DCTN2: variants seen among roughly 807,000 people sequenced by gnomAD.
DCTN2 encodes dynactin subunit 2.
A neutral mutation model predicts 55.4 loss-of-function variants in DCTN2; 18 were observed. That is an observed-to-expected ratio of 0.32 (90% confidence interval 0.22 to 0.48). DCTN2 has a LOEUF of 0.48. DCTN2 is among the 20% of genes least tolerant of loss of function. The probability of loss-of-function intolerance (pLI) is 0.99; values close to 1 mark genes in which losing one functional copy is unlikely to be tolerated. For missense variants in DCTN2, 390 were observed against 491.0 expected, an observed-to-expected ratio of 0.79 and a Z score of 1.94; for synonymous variants, 168 against 185.2, an observed-to-expected ratio of 0.91 and a Z score of 0.76.
At chr12:57,543,953 C>A in intron 2 of DCTN2, 1 of 526,234 alleles carries the variant, frequency 1.9e-6, no homozygotes, top group South Asian at 1.5e-5. Context: ...TTCTTCCACA[C>A]CTGGAATGGG....
chr12:57,532,653 C>T lies in DCTN2; in HGVS notation c.853-10G>A, dbSNP rs375551214. 2.3e-5 allele frequency: 37 copies of T among 1,613,834 alleles called. No individual in the cohort carries two copies. The highest frequency in any genetic ancestry group is 5.0e-5 in the Admixed American group (3 of 59,996). On this transcript the variant is annotated splice_polypyrimidine_tract_variant and intron_variant, in intron 10 of 13. Coordinates refer to ENST00000548249, the MANE Select transcript of DCTN2 (RefSeq NM_001261413.2). ...CCTTTCCCAGGACACTCTGAAAACA[C>T]AGATTTTAAGGTTGATAGGGCATCC...
rs79376910 is a variant in DCTN2, at chr12:57,539,380, C to A, written c.106-3535G>T. Among the ~76,000 whole-genome samples, 294 of 152,350 alleles carry A rather than the reference C, an allele frequency of 1.9e-3. 1 individual carries two copies. The highest frequency in any genetic ancestry group is 3.7e-3 in the Admixed American group (56 of 15,306). On this transcript the variant is annotated intron_variant, in intron 2 of 13. Coordinates refer to ENST00000548249, the MANE Select transcript of DCTN2 (RefSeq NM_001261413.2). ...ACATCAAGATTCACAGGTACTAGCA[C>A]ATGTGCAGAACATGTTTCTTCAACC... is the stretch of plus-strand genomic sequence containing the variant.
At chr12:57,545,327 T>C (rs1881058072) in intron 2 of DCTN2, among the ~76,000 whole-genome samples, 1 of 152,212 alleles carries the variant, frequency 6.6e-6, no homozygotes, top group Non-Finnish European at 1.5e-5. Context: ...TTCCTATATG[T>C]ATCCTAATTC....
chr12:57,535,278 T>G, intron 4 of DCTN2, 124 bp from the exon 5 acceptor site: 1 of 983,152 alleles, frequency 1.0e-6, no homozygotes, highest in East Asian at 2.6e-5. Context: ...AACACCCTAG[T>G]ACCAAAGAAC....
chr12:57,531,725 G>A (rs1427814713), intron 13 of DCTN2, among the ~76,000 whole-genome samples: 2 of 152,078 alleles, frequency 1.3e-5, no homozygotes, highest in African/African-American at 4.8e-5. Context: ...GGGAAAGAGT[G>A]GGGTTTTATA....
chr12:57,538,546 A>T (rs1191245817), intron 2 of DCTN2: 2 of 755,410 alleles, frequency 2.6e-6, no homozygotes, highest in African/African-American at 3.4e-5. Flanking sequence ...CCCAGAGGTG[A>T]GAAAATCAAA....
At chr12:57,543,204 C>A in intron 2 of DCTN2, 1 of 363,338 alleles carries the variant, frequency 2.8e-6, no homozygotes, top group South Asian at 2.1e-5. Context: ...AGAAAATTAG[C>A]CGGGTGTGGT....
intron 5 of DCTN2, among the ~76,000 whole-genome samples, chr12:57,534,753 C>A (rs989181569): frequency 6.6e-6 from 1 of 152,126 alleles, no homozygotes; most frequent in South Asian, 2.1e-4. Context: ...CTGCAACCTC[C>A]GCCTCCGAGT....
At position 57,535,792 on chromosome 12, in the gene DCTN2, G is replaced by A. The variant is rs1264525675; in HGVS notation, c.159C>T (p.Ala53=). The A allele has an allele frequency of 6.2e-7, 1 of 1,613,812 alleles. No homozygotes were observed. The highest frequency in any genetic ancestry group is 1.3e-5 in the African/African-American group (1 of 74,920). The part of the protein sequence containing the change: ...VEHIIVNPNA[A]YDKFKDKRVG... ...CTCTCTTGTCCTTGAACTTGTCATA[G>A]GCAGCATTAGGATTGACAATGATGT... Residue 53 remains alanine (A), a synonymous_variant, in exon 3 of 14, where the codon GCC becomes GCT. Transcript: ENST00000548249.
chr12:57,534,291 C>T lies in DCTN2; in HGVS notation c.524+1G>A. 6.3e-7 allele frequency: 1 copy of T among 1,587,642 alleles called. No homozygotes were observed. ...ATTTTTCAACAAAGTAGGGTACCCA[C>T]TTAGCCAGGGCGCCATCGGGGTCGG... On this transcript the variant is annotated splice_donor_variant, in intron 6 of 13. Coordinates refer to ENST00000548249, the MANE Select transcript of DCTN2 (RefSeq NM_001261413.2). LOFTEE classifies it high-confidence loss of function.
chr12:57,542,007 G>A (rs1285917929), intron 2 of DCTN2, among the ~76,000 whole-genome samples: 1 of 152,220 alleles, frequency 6.6e-6, no homozygotes, highest in African/African-American at 2.4e-5. Context: ...AGGCACAGTG[G>A]CTCATGCTTG....
chr12:57,533,497 C>T (rs1252880886), intron 7 of DCTN2, among the ~76,000 whole-genome samples, 194 bp from the exon 8 acceptor site: 1 of 152,184 alleles, frequency 6.6e-6, no homozygotes, highest in Non-Finnish European at 1.5e-5. Flanking sequence ...TGAGGTCGGG[C>T]GCGGTGGCTC....
chr12:57,538,436 T>G, intron 2 of DCTN2: 1 of 726,052 alleles, frequency 1.4e-6, no homozygotes. Context: ...AATGAAAGAT[T>G]TAGTAGAGTC....
chr12:57,545,471 T>G (rs1253770816), intron 2 of DCTN2, among the ~76,000 whole-genome samples: 1 of 152,164 alleles, frequency 6.6e-6, no homozygotes, highest in Non-Finnish European at 1.5e-5. Flanking sequence ...CCGTACCTAA[T>G]TACTCCATCC....
rs749576776 is a variant in DCTN2, at chr12:57,534,024, G to T, written c.598C>A (p.Pro200Thr). 1.9e-6 allele frequency: 3 copies of T among 1,613,530 alleles called. No individual in the cohort carries two copies. Among genetic ancestry groups the T allele is most frequent in the Non-Finnish European group, 2.5e-6 (3 of 1,179,710 alleles). ...GSGGKTTGTP[P>T]DSSLVTYELH... ...TCATAAGTGACAAGGCTGCTATCTG[G>T]GGGGGTCCCAGTGGTTTTTCCCCCT... Residue 200 changes from proline (P) to threonine (T), a missense_variant, in exon 7 of 14, where the codon CCA becomes ACA. By Grantham distance (38) the Pro-to-Thr change is conservative. Transcript: ENST00000548249.
chr12:57,531,837 T>C (rs1228913100), intron 13 of DCTN2, among the ~76,000 whole-genome samples, 178 bp downstream of exon 13: 3 of 152,164 alleles, frequency 2.0e-5, no homozygotes, highest in Admixed American at 2.0e-4. Context: ...AGATGGAGGT[T>C]CATAGGTTAA....
At chr12:57,544,877 T>A (rs1209014043) in intron 2 of DCTN2, among the ~76,000 whole-genome samples, 1 of 152,134 alleles carries the variant, frequency 6.6e-6, no homozygotes, top group Non-Finnish European at 1.5e-5. Flanking sequence ...ATCATCTGCA[T>A]TATCTCCAAG....
At chr12:57,546,680 T>A (rs1185182954) in intron 1 of DCTN2, among the ~76,000 whole-genome samples, 1 of 151,978 alleles carries the variant, frequency 6.6e-6, no homozygotes, top group African/African-American at 2.4e-5. Flanking sequence ...GTCTGGTGTG[T>A]GTGTCTGGGG....
chr12:57,530,949 C>T (rs774590333), intron 13 of DCTN2, among the ~76,000 whole-genome samples, 174 bp from the exon 14 acceptor site: 13 of 152,284 alleles, frequency 8.5e-5, no homozygotes, highest in South Asian at 8.3e-4. Context: ...ACATAGACCA[C>T]GCTTGGGGTG....
Sources: allele counts gnomAD v4.1 joint callset (sites outside exome capture counted in the v4.1 genomes callset), GRCh38; gene constraint gnomAD v4.1.1; transcripts MANE v1.5; gene names NCBI Gene and HGNC (gene_info 2026-07-23, HGNC 2026-07-21).